Variants in NRXN1 observed in about 807,000 individuals in gnomAD.
NRXN1 encodes the protein neurexin 1.
In NRXN1, 39 loss-of-function variants were observed where a neutral mutation model predicts 150.9. The observed-to-expected ratio is 0.26, with a 90% CI of 0.20 to 0.34. NRXN1 has a LOEUF of 0.34. Among genes scored for constraint, NRXN1 ranks in the 10% least tolerant of loss-of-function variants. NRXN1 has a pLI of 1.00. For synonymous variants in NRXN1, 924 were observed against 757.0 expected, an observed-to-expected ratio of 1.22 and a Z score of -3.62; for missense variants, 1,815 against 1,949.9, an observed-to-expected ratio of 0.93 and a Z score of 1.30.
chr2:50,176,774 T>G (rs1378271162), intron 18 of NRXN1, among the ~76,000 whole-genome samples: 2 of 152,084 alleles, frequency 1.3e-5, no homozygotes, highest in African/African-American at 4.8e-5. Context: ...CTTAAAGCAA[T>G]ACACCCCTGG....
chr2:50,927,860 G>A (rs1256755793), intron 2 of NRXN1, among the ~76,000 whole-genome samples: 1 of 151,774 alleles, frequency 6.6e-6, no homozygotes, highest in African/African-American at 2.4e-5. Flanking sequence ...TTGGTAAAGT[G>A]TGGCCTAAAA....
intron 5 of NRXN1, among the ~76,000 whole-genome samples, chr2:50,843,917 C>T (rs569014598): frequency 1.3e-5 from 2 of 152,204 alleles, no homozygotes; most frequent in South Asian, 4.2e-4. Context: ...TCAACCAAAC[C>T]CTAACATAAA....
Position 50,454,994 on chromosome 2 carries a change from C to T in NRXN1, c.3364+10448G>A, listed in dbSNP as rs6740211. Among the ~76,000 whole-genome samples the T allele has an allele frequency of 1.3e-3, 196 of 152,204 alleles. 2 individuals are homozygous for T. The highest frequency in any genetic ancestry group is 4.6e-3 in the African/African-American group (192 of 41,542). On this transcript the variant is annotated intron_variant, in intron 17 of 22. Coordinates refer to ENST00000401669, the MANE Select transcript of NRXN1 (RefSeq NM_001330078.2). ...GAGCGGAAGGAGGGAAGGAAGAGGA[C>T]AGCCCAAATGAGGGCATCATTTAGC...
intron 5 of NRXN1, among the ~76,000 whole-genome samples, chr2:50,759,049 T>C (rs1026551037): frequency 1.3e-5 from 2 of 151,980 alleles, no homozygotes; most frequent in Non-Finnish European, 2.9e-5. Flanking sequence ...TAAAAAGCTA[T>C]AATTGACTCT....
At chr2:50,128,138 A>C (rs1352025325) in intron 18 of NRXN1, among the ~76,000 whole-genome samples, 11 of 152,230 alleles carry the variant, frequency 7.2e-5, no homozygotes. Context: ...GAGCTCTACC[A>C]TGATAGCTGA....
At chr2:50,172,549 A>G (rs1477309291) in intron 18 of NRXN1, among the ~76,000 whole-genome samples, 6 of 152,212 alleles carry the variant, frequency 3.9e-5, no homozygotes, top group Non-Finnish European at 8.8e-5. Flanking sequence ...AAAGAAAAAA[A>G]TTATAAACAC....
At chr2:50,380,844 T>C (rs2080905594) in intron 17 of NRXN1, among the ~76,000 whole-genome samples, 1 of 152,170 alleles carries the variant, frequency 6.6e-6, no homozygotes, top group Non-Finnish European at 1.5e-5. Context: ...TTTCTACTTA[T>C]GCCATATTAT....
At chr2:50,991,939 C>G (rs1014303275) in intron 2 of NRXN1, among the ~76,000 whole-genome samples, 5 of 151,960 alleles carry the variant, frequency 3.3e-5, no homozygotes, top group Non-Finnish European at 7.4e-5. Context: ...AGCATTTTAT[C>G]TATTTATATC....
At chr2:50,773,465 AG>A (rs1238809301) in intron 5 of NRXN1, among the ~76,000 whole-genome samples, 1 of 152,174 alleles carries the variant, frequency 6.6e-6, no homozygotes, top group Non-Finnish European at 1.5e-5. Context: ...GCCAGATAGA[AG>A]GCCTGAAATA....
At chr2:50,928,717 C>A (rs1169734220) in intron 2 of NRXN1, among the ~76,000 whole-genome samples, 1 of 151,966 alleles carries the variant, frequency 6.6e-6, no homozygotes, top group East Asian at 1.9e-4. Flanking sequence ...ACAGGTAAAG[C>A]AGCATATTTT....
At chr2:50,172,743 G>A (rs1290853925) in intron 18 of NRXN1, among the ~76,000 whole-genome samples, 1 of 152,126 alleles carries the variant, frequency 6.6e-6, no homozygotes, top group Non-Finnish European at 1.5e-5. Context: ...AAGGCAGGTG[G>A]ATAACCTGAG....
At chr2:50,661,941 T>C (rs1221479049) in intron 5 of NRXN1, among the ~76,000 whole-genome samples, 6 of 152,070 alleles carry the variant, frequency 3.9e-5, no homozygotes, top group African/African-American at 1.4e-4. Context: ...GTTTGGTCTG[T>C]CCATCACTGC....
intron 5 of NRXN1, among the ~76,000 whole-genome samples, chr2:50,861,903 T>C (rs575109977): frequency 6.6e-6 from 1 of 152,152 alleles, no homozygotes; most frequent in African/African-American, 2.4e-5. Context: ...TGTTATTTTC[T>C]TAAGAAATAC....
intron 17 of NRXN1, among the ~76,000 whole-genome samples, chr2:50,298,698 G>T (rs2073866442): frequency 6.6e-6 from 1 of 152,084 alleles, no homozygotes; most frequent in South Asian, 2.1e-4. Context: ...TGAAATTTCT[G>T]CTAAGTACAC....
intron 5 of NRXN1, among the ~76,000 whole-genome samples, chr2:50,709,285 T>A (rs1379629729): frequency 6.6e-6 from 1 of 152,184 alleles, no homozygotes; most frequent in Non-Finnish European, 1.5e-5. Context: ...GAACCATACA[T>A]TGACTCTATC....
chr2:50,773,569 G>GC (rs1300171464), intron 5 of NRXN1, among the ~76,000 whole-genome samples: 1 of 152,132 alleles, frequency 6.6e-6, no homozygotes, highest in African/African-American at 2.4e-5. Context: ...AAACATTGGT[G>GC]CAGTGCACTA....
At chr2:50,780,687 C>A (rs1000368050) in intron 5 of NRXN1, among the ~76,000 whole-genome samples, 1 of 152,014 alleles carries the variant, frequency 6.6e-6, no homozygotes, top group African/African-American at 2.4e-5. Flanking sequence ...TCTAATTTTT[C>A]TTACTACTAA....
chr2:49,944,521 T>A (rs886306178), intron 21 of NRXN1, among the ~76,000 whole-genome samples: 2 of 152,162 alleles, frequency 1.3e-5, no homozygotes, highest in African/African-American at 2.4e-5. Flanking sequence ...AGTTGCTTCA[T>A]TGCGCTTACA....
intron 5 of NRXN1, among the ~76,000 whole-genome samples, chr2:50,865,757 G>T (rs1676841901): frequency 1.4e-5 from 2 of 138,076 alleles, no homozygotes; most frequent in African/African-American, 5.3e-5. Flanking sequence ...TTTTGGTGGT[G>T]GGGGGATGTA....
Sources: allele counts gnomAD v4.1 joint callset (sites outside exome capture counted in the v4.1 genomes callset), GRCh38; gene constraint gnomAD v4.1.1; transcripts MANE v1.5; gene names NCBI Gene and HGNC (gene_info 2026-07-23, HGNC 2026-07-21).